Variants in NCAM2 observed in about 807,000 individuals in gnomAD.
NCAM2 encodes neural cell adhesion molecule 2.
In NCAM2, 30 loss-of-function variants were observed where a neutral mutation model predicts 98.1. That is an observed-to-expected ratio of 0.31 (90% CI 0.23 to 0.41). The LOEUF is 0.41. NCAM2 is among the 10% of genes least tolerant of loss of function. NCAM2 has a pLI of 1.00. For synonymous variants in NCAM2, 368 were observed against 342.4 expected, an observed-to-expected ratio of 1.07 and a Z score of -0.83; for missense variants, 867 against 1,005.8, an observed-to-expected ratio of 0.86 and a Z score of 1.87.
intron 1 of NCAM2, among the ~76,000 whole-genome samples, chr21:21,272,747 A>C (rs986530983): frequency 2.6e-5 from 4 of 152,164 alleles, no homozygotes; most frequent in Admixed American, 2.6e-4. Context: ...TTATCTGGCA[A>C]ATAGGCTCAG....
intron 12 of NCAM2, among the ~76,000 whole-genome samples, chr21:21,435,333 A>G (rs536407380): frequency 6.6e-6 from 1 of 152,240 alleles, no homozygotes; most frequent in African/African-American, 2.4e-5. Flanking sequence ...TTGCGATGCA[A>G]ATATCATATC....
intron 1 of NCAM2, among the ~76,000 whole-genome samples, chr21:21,240,553 G>T (rs1331615347): frequency 6.6e-6 from 1 of 152,148 alleles, no homozygotes; most frequent in Non-Finnish European, 1.5e-5. Flanking sequence ...CTCTGGTTCT[G>T]ACTCCGTCAT....
chr21:21,283,219 T>A (rs1374982546), intron 2 of NCAM2, among the ~76,000 whole-genome samples: 1 of 151,992 alleles, frequency 6.6e-6, no homozygotes, highest in Non-Finnish European at 1.5e-5. Context: ...AGGAGGATAA[T>A]TTGTTTCTAA....
chr21:21,359,711 A>G (rs962599564), intron 8 of NCAM2, among the ~76,000 whole-genome samples: 4 of 152,072 alleles, frequency 2.6e-5, no homozygotes, highest in Admixed American at 2.6e-4. Context: ...TAAATACCAT[A>G]TTCTACATAC....
intron 1 of NCAM2, among the ~76,000 whole-genome samples, chr21:21,069,061 A>C (rs1481986154): frequency 6.6e-6 from 1 of 152,186 alleles, no homozygotes; most frequent in African/African-American, 2.4e-5. Flanking sequence ...TACTCTAGCT[A>C]ATTTGCATAT....
intron 1 of NCAM2, among the ~76,000 whole-genome samples, chr21:21,209,971 C>A (rs1217549277): frequency 1.3e-5 from 2 of 152,110 alleles, no homozygotes; most frequent in African/African-American, 4.8e-5. Context: ...AGCAATAACT[C>A]AGGATTAGTA....
At chr21:21,049,006 A>G (rs987918104) in intron 1 of NCAM2, among the ~76,000 whole-genome samples, 1 of 132,854 alleles carries the variant, frequency 7.5e-6, no homozygotes, top group Non-Finnish European at 1.5e-5. Flanking sequence ...ATTTATATTT[A>G]CTATTAATTT....
At chr21:21,015,594 C>CA (rs1362749698) in intron 1 of NCAM2, among the ~76,000 whole-genome samples, 1 of 151,578 alleles carries the variant, frequency 6.6e-6, no homozygotes, top group Non-Finnish European at 1.5e-5. Context: ...CCTGGAAAAC[C>CA]AAAAAAAATT....
chr21:21,091,005 T>C (rs1235935532), intron 1 of NCAM2, among the ~76,000 whole-genome samples: 1 of 152,232 alleles, frequency 6.6e-6, no homozygotes, highest in Non-Finnish European at 1.5e-5. Flanking sequence ...TTCACTGATT[T>C]ATTTGTTTAC....
chr21:21,285,890 G>A (rs913607561), intron 3 of NCAM2, among the ~76,000 whole-genome samples: 1 of 151,902 alleles, frequency 6.6e-6, no homozygotes, highest in Non-Finnish European at 1.5e-5. Context: ...AGGCAGGTTG[G>A]ATAAGAATCT....
At chr21:21,411,039 T>C (rs1043878743) in intron 10 of NCAM2, among the ~76,000 whole-genome samples, 25 of 69,118 alleles carry the variant, frequency 3.6e-4, no homozygotes, top group Admixed American at 8.0e-4. Flanking sequence ...TATACACACA[T>C]ATATATATGT....
At chr21:21,049,213 G>A (rs1056393402) in intron 1 of NCAM2, among the ~76,000 whole-genome samples, 1 of 143,920 alleles carries the variant, frequency 6.9e-6, no homozygotes, top group African/African-American at 2.6e-5. Flanking sequence ...TAGAGACGGG[G>A]TTTCACCTTG....
chr21:21,349,992 C>G (rs139276610), intron 8 of NCAM2, among the ~76,000 whole-genome samples: 1 of 151,984 alleles, frequency 6.6e-6, no homozygotes, highest in East Asian at 1.9e-4. Context: ...TGAATAAGAC[C>G]TACTATTTGA....
chr21:21,241,521 A>G (rs1024799384), intron 1 of NCAM2, among the ~76,000 whole-genome samples: 2 of 152,196 alleles, frequency 1.3e-5, no homozygotes, highest in Non-Finnish European at 2.9e-5. Context: ...GATGGAGTTC[A>G]GGCTGTAGCC....
intron 11 of NCAM2, among the ~76,000 whole-genome samples, chr21:21,423,310 G>A (rs573245395): frequency 5.9e-5 from 9 of 152,232 alleles, no homozygotes; most frequent in Non-Finnish European, 1.2e-4. Flanking sequence ...GAGGTACCTG[G>A]TAACAGTATT....
intron 1 of NCAM2, among the ~76,000 whole-genome samples, chr21:21,143,659 T>G (rs1229740575): frequency 6.6e-6 from 1 of 152,126 alleles, no homozygotes; most frequent in Non-Finnish European, 1.5e-5. Context: ...TTTAAGTATT[T>G]TTTTCCCTCA....
At position 21,466,554 on chromosome 21, in the gene NCAM2, G is replaced by GAT. The variant is rs1027117642; in HGVS notation, c.1655-45_1655-44dup. 242 of 1,226,374 alleles carry GAT rather than the reference G, an allele frequency of 2.0e-4. 1 individual carries two copies. In the Middle Eastern group the frequency reaches 2.0e-3, roughly 10 times the overall value. 76.0% of individuals were successfully genotyped at this position (1,226,374 alleles called of 1,614,324 possible). A position where few individuals can be genotyped will look rare whatever the true frequency, so the allele number is the denominator to read the frequency against. ...TTCCTTATTAAAATGTGTCCAATTA[G>GAT]ATATATATGTATATATATGTTTTAT... On this transcript the variant is annotated intron_variant, in intron 12 of 17. Transcript: ENST00000400546.
At chr21:21,488,052 A>T (rs1986538152) in intron 15 of NCAM2, among the ~76,000 whole-genome samples, 1 of 152,130 alleles carries the variant, frequency 6.6e-6, no homozygotes, top group Admixed American at 6.5e-5. Context: ...AAAATATGTA[A>T]ACATTTTAAA....
intron 1 of NCAM2, among the ~76,000 whole-genome samples, chr21:21,168,602 A>T (rs2068024710): frequency 6.6e-6 from 1 of 152,194 alleles, no homozygotes; most frequent in African/African-American, 2.4e-5. Context: ...CAATTATAGC[A>T]ACGTTGAAGA....
Sources: gnomAD v4.1 joint callset for allele counts (sites outside exome capture counted in the v4.1 genomes callset) on GRCh38, gnomAD v4.1.1 for gene constraint, MANE v1.5 for transcripts, NCBI Gene and HGNC (gene_info 2026-07-23, HGNC 2026-07-21) for gene names.